The following NMT1 variants were observed in gnomAD, a reference collection of about 807,000 sequenced individuals.
NMT1 encodes the protein glycylpeptide N-tetradecanoyltransferase 1.
A neutral mutation model predicts 63.4 loss-of-function variants in NMT1; 12 were observed. The ratio of observed to expected loss-of-function variants is 0.19; its 90% CI spans 0.12 to 0.31. The LOEUF is 0.31. Ranked by LOEUF, NMT1 falls within the 10% of genes least tolerant of loss-of-function variation. NMT1 has a pLI of 1.00. For synonymous variants in NMT1, 228 were observed against 234.3 expected (o/e 0.97, Z 0.25); for missense variants, 432 against 634.6 (o/e 0.68, Z 3.43).
rs1448899041 is a variant in NMT1 at position 45,093,889 on chromosome 17, C to G, written c.504+86C>G. ...CAGTCTCACCTAGACTACGTTTACT[C>G]GAGCCCTAGAGAGCTGAGCCAAGGA... is the stretch of plus-strand genomic sequence containing the variant. On this transcript the variant is annotated intron_variant, in intron 4 of 11. Transcript: ENST00000258960. The G allele has an allele frequency of 8.9e-6, 10 of 1,127,500 alleles. 1 individual carries two copies. The highest frequency in any genetic ancestry group is 6.7e-5 in the South Asian group (5 of 75,058). The allele number at this position is 1,127,500 out of a possible 1,614,324, so 69.8% of individuals were successfully genotyped here.
chr17:45,105,601 C>T lies in NMT1; in HGVS notation c.1471-18C>T. The T allele has an allele frequency of 1.2e-6, 2 of 1,613,090 alleles. No homozygotes were observed. Among genetic ancestry groups the T allele is most frequent in the Non-Finnish European group, 1.7e-6 (2 of 1,179,716 alleles). The stretch of plus-strand genomic sequence containing the variant: ...CCACTGTCAACTCAGCTCTGCCTCT[C>T]CCTGTTGGCTTTCCTAGGTTGGACT... On this transcript the variant is annotated intron_variant, in intron 11 of 11. Coordinates refer to ENST00000258960, the MANE Select transcript of NMT1 (RefSeq NM_021079.5). This position sits in a 1 kb window ranked among gnomAD's most constrained non-coding sequence, Gnocchi z 4.2.
Position 45,086,502 on chromosome 17 carries a change from G to A in NMT1, c.241-6G>A, listed in dbSNP as rs371249154. 1 of 1,602,792 alleles carries A rather than the reference G, an allele frequency of 6.2e-7. No individual in the cohort carries two copies. The highest frequency in any genetic ancestry group is 8.5e-7 in the Non-Finnish European group (1 of 1,176,244). On this transcript the variant is annotated splice_polypyrimidine_tract_variant and splice_region_variant and intron_variant, in intron 2 of 11. Transcript: ENST00000258960. ...CCTTTTTTCTCCCCAACTTTGTCTT[G>A]TCCAGATGAACTCTTTGCCAGCAGA...
rs758034998 is a variant in NMT1, at chr17:45,107,104, C to G, written c.*1465C>G. On this transcript the variant is annotated 3_prime_UTR_variant, in exon 12 of 12. Coordinates refer to ENST00000258960, the MANE Select transcript of NMT1 (RefSeq NM_021079.5). ...TCCTTGCTGCCGTCACCTCTCCGCT[C>G]ATACAGGAATGAAGCCTTAGCCAGG... The G allele has an allele frequency of 2.6e-5, 4 of 152,252 alleles. No homozygotes were observed. The highest frequency in any genetic ancestry group is 5.9e-5 in the Non-Finnish European group (4 of 68,072). 9.4% of individuals were successfully genotyped at this position (152,252 alleles called of 1,614,324 possible).
In NMT1 at chr17:45,107,329, C is replaced by T. The variant is rs1360420160; in HGVS notation, c.*1690C>T. On this transcript the variant is annotated 3_prime_UTR_variant, in exon 12 of 12. Coordinates refer to ENST00000258960, the MANE Select transcript of NMT1 (RefSeq NM_021079.5). ...CCGCTCTGCAGACTGCTGCTAGAGC[C>T]AGCAACTCCACTAAGGTGGATTTTC... is the stretch of plus-strand genomic sequence containing the variant. 6.6e-6 allele frequency: 1 copy of T among 152,628 alleles called. No individual in the cohort carries two copies. Among genetic ancestry groups the T allele is most frequent in the African/African-American group, 2.4e-5 (1 of 41,458 alleles). The allele number at this position is 152,628 out of a possible 1,614,324, so 9.5% of individuals were successfully genotyped here. A position where few individuals can be genotyped will look rare whatever the true frequency, so the allele number is the denominator to read the frequency against.
intron 1 of NMT1, among the ~76,000 whole-genome samples, chr17:45,069,768 G>A (rs575904098): frequency 5.9e-5 from 9 of 151,654 alleles, no homozygotes; most frequent in African/African-American, 1.9e-4. Context: ...GCCTATGGAC[G>A]TTCCCAAACT....
chr17:45,082,556 G>C (rs2054023578), intron 2 of NMT1, among the ~76,000 whole-genome samples: 1 of 152,190 alleles, frequency 6.6e-6, no homozygotes, highest in Non-Finnish European at 1.5e-5. Flanking sequence ...TACAACCTGA[G>C]AGTGATGCAC....
intron 1 of NMT1, among the ~76,000 whole-genome samples, chr17:45,068,162 C>A (rs984915406): frequency 1.3e-5 from 2 of 152,128 alleles, no homozygotes; most frequent in South Asian, 4.1e-4. Context: ...CTATTGAGAG[C>A]GCCAAAAATA....
At chr17:45,070,486 T>C (rs2053932912) in intron 1 of NMT1, among the ~76,000 whole-genome samples, 1 of 152,158 alleles carries the variant, frequency 6.6e-6, no homozygotes, top group Admixed American at 6.6e-5. Flanking sequence ...GGCGCGGTCT[T>C]GGCTCACTGC....
At chr17:45,079,743 A>G (rs2054002501) in intron 1 of NMT1, among the ~76,000 whole-genome samples, 1 of 152,156 alleles carries the variant, frequency 6.6e-6, no homozygotes, top group Non-Finnish European at 1.5e-5. Context: ...TCTGTCGCCC[A>G]GGCTGGAGTG....
At chr17:45,065,724 C>A (rs1232941703) in intron 1 of NMT1, among the ~76,000 whole-genome samples, 1 of 150,644 alleles carries the variant, frequency 6.6e-6, no homozygotes, top group African/African-American at 2.4e-5. Flanking sequence ...TGTTTTGCTT[C>A]TTGAAATGTT....
chr17:45,061,703 T>G, intron 1 of NMT1: 1 of 418,974 alleles, frequency 2.4e-6, no homozygotes, highest in Non-Finnish European at 4.3e-6. Flanking sequence ...AGTGTTCCAC[T>G]CGTGTGCTTC....
At chr17:45,097,619 A>G (rs1024007311) in intron 6 of NMT1, among the ~76,000 whole-genome samples, 15 of 151,944 alleles carry the variant, frequency 9.9e-5, no homozygotes, top group African/African-American at 3.6e-4. Context: ...GCCTCCCAAG[A>G]GTGTTGGGAA....
chr17:45,087,329 C>T (rs573210993), intron 3 of NMT1, among the ~76,000 whole-genome samples: 27 of 152,204 alleles, frequency 1.8e-4, no homozygotes, highest in Non-Finnish European at 2.6e-4. Context: ...AGTCCCCAGC[C>T]TCTTCCCCTT....
intron 2 of NMT1, among the ~76,000 whole-genome samples, chr17:45,083,386 G>A (rs2054029784): frequency 1.3e-5 from 2 of 151,222 alleles, no homozygotes; most frequent in South Asian, 4.2e-4. Flanking sequence ...TATAAGCCTC[G>A]CAAAAATCCA....
intron 8 of NMT1, 26 bp downstream of exon 8, chr17:45,099,539 A>AG (rs762308922): frequency 9.8e-6 from 15 of 1,527,888 alleles, no homozygotes; most frequent in Non-Finnish European, 1.4e-5. Context: ...GGTGGTGGGC[A>AG]GGGGGCAGAG....
At chr17:45,072,534 G>A (rs2053948175) in intron 1 of NMT1, among the ~76,000 whole-genome samples, 1 of 150,648 alleles carries the variant, frequency 6.6e-6, no homozygotes, top group Non-Finnish European at 1.5e-5. Flanking sequence ...CAAAGTGCTG[G>A]GATTACAGGT....
At chr17:45,073,383 A>G (rs1358727997) in intron 1 of NMT1, among the ~76,000 whole-genome samples, 11 of 151,744 alleles carry the variant, frequency 7.2e-5, no homozygotes, top group Admixed American at 3.3e-4. Flanking sequence ...ACGCCACTGC[A>G]CTCCAGCCTG....
chr17:45,080,349 A>G (rs2054008853), intron 1 of NMT1, among the ~76,000 whole-genome samples: 1 of 148,740 alleles, frequency 6.7e-6, no homozygotes, highest in Non-Finnish European at 1.5e-5. Flanking sequence ...TAGTAGAGAC[A>G]GGCTTTCTCC....
intron 3 of NMT1, among the ~76,000 whole-genome samples, chr17:45,090,709 G>A (rs1808455124): frequency 1.3e-5 from 2 of 152,172 alleles, no homozygotes; most frequent in Admixed American, 6.5e-5. Context: ...AGAGAATTTT[G>A]AGGGAAGAGT....
Sources: gnomAD v4.1 joint callset for allele counts (sites outside exome capture counted in the v4.1 genomes callset) on GRCh38, gnomAD v4.1.1 for gene constraint, Gnocchi (gnomAD v3.1) non-coding constraint, MANE v1.5 for transcripts, NCBI Gene and HGNC (gene_info 2026-07-23, HGNC 2026-07-21) for gene names.